The following THADA variants were observed in gnomAD, a reference collection of about 807,000 sequenced individuals.
The protein encoded by THADA is THADA armadillo repeat containing, also known as tRNA (32-2'-O)-methyltransferase regulator THADA.
A neutral mutation model predicts 219.8 loss-of-function variants in THADA; 213 were observed. That is an observed-to-expected ratio of 0.97 (90% CI 0.87 to 1.09). THADA has a LOEUF of 1.09. Among genes scored for constraint, THADA ranks in the 50% least tolerant of loss-of-function variants. The pLI is 0.00. For missense variants in THADA, 2,956 were observed against 2,311.3 expected (o/e 1.28, Z -5.72); for synonymous variants, 1,018 against 828.9 (o/e 1.23, Z -3.92).
intron 22 of THADA, among the ~76,000 whole-genome samples, chr2:43,525,624 A>T (rs548436533): frequency 6.6e-6 from 1 of 152,320 alleles, no homozygotes; most frequent in African/African-American, 2.4e-5. Context: ...ATGCGAGTGA[A>T]GTTGTCTTAG....
At chr2:43,300,853 G>A (rs1425145085) in intron 31 of THADA, among the ~76,000 whole-genome samples, 1 of 152,198 alleles carries the variant, frequency 6.6e-6, no homozygotes. Flanking sequence ...AAGGGCTTGT[G>A]AAACCACGGA....
At chr2:43,521,479 C>T (rs1180332621) in intron 22 of THADA, among the ~76,000 whole-genome samples, 1 of 152,112 alleles carries the variant, frequency 6.6e-6, no homozygotes, top group Non-Finnish European at 1.5e-5. Context: ...TCACTTGAAC[C>T]CGGGAGACAG....
intron 31 of THADA, among the ~76,000 whole-genome samples, chr2:43,318,935 G>T (rs986323436): frequency 2.0e-5 from 3 of 152,168 alleles, no homozygotes; most frequent in African/African-American, 7.2e-5. Flanking sequence ...AAGAATAATG[G>T]CACTGAGCCA....
intron 24 of THADA, 115 bp from the exon 25 acceptor site, chr2:43,499,070 G>C: frequency 1.8e-6 from 2 of 1,113,086 alleles, no homozygotes; most frequent in Non-Finnish European, 2.5e-6. Flanking sequence ...ACAAGAAATG[G>C]ATAATCCGCA....
intron 25 of THADA, among the ~76,000 whole-genome samples, chr2:43,485,734 A>G (rs1198932133): frequency 6.6e-6 from 1 of 152,048 alleles, no homozygotes. Flanking sequence ...TACTTATAAA[A>G]CCTAACTTCA....
At chr2:43,418,292 A>G (rs546001598) in intron 28 of THADA, among the ~76,000 whole-genome samples, 3 of 152,334 alleles carry the variant, frequency 2.0e-5, no homozygotes, top group Non-Finnish European at 4.4e-5. Context: ...ACTGATGATA[A>G]TCAACGTAAG....
chr2:43,593,125 T>TATAATGTAGTACA (rs1701758135), intron 1 of THADA, among the ~76,000 whole-genome samples: 1 of 152,198 alleles, frequency 6.6e-6, no homozygotes, highest in African/African-American at 2.4e-5. Flanking sequence ...TATTAGAGAC[T>TATAATGTAGTACA]ATAATGTAGT....
At chr2:43,365,566 GACACACACACAC>G (rs375762944) in intron 29 of THADA, among the ~76,000 whole-genome samples, 10 of 143,514 alleles carry the variant, frequency 7.0e-5, no homozygotes, top group Non-Finnish European at 1.2e-4. Context: ...GCAAGACTCT[GACACACACACAC>G]ACACACACAC....
At chr2:43,422,461 G>A (rs1449096198) in intron 28 of THADA, among the ~76,000 whole-genome samples, 3 of 152,068 alleles carry the variant, frequency 2.0e-5, no homozygotes, top group Admixed American at 6.5e-5. Context: ...GGAGAATAAT[G>A]TGGGTTTAGG....
At chr2:43,348,270 C>A (rs1221503753) in intron 29 of THADA, among the ~76,000 whole-genome samples, 1 of 152,144 alleles carries the variant, frequency 6.6e-6, no homozygotes, top group Non-Finnish European at 1.5e-5. Flanking sequence ...GAGCTGGCCC[C>A]GGAGATGAGA....
rs1553427596 is a variant in THADA at position 43,400,484 on chromosome 2, T to TATATATATATATATATATATATAC, written c.4059-2346_4059-2345insGTATATATATATATATATATATAT. Reference sequence around the variant, plus strand: ...ATATATATATATATATATAAATATATACACTAAGAAAAAAAATTTCTAGGT... The same window carrying TATATATATATATATATATATATAC: ...ATATATATATATATATATAAATATATATATATATATATATATATATATACACACTAAGAAAAAAAATTTCTAGGT... On this transcript the variant is annotated intron_variant, in intron 28 of 37. Transcript: ENST00000405975. 5.5e-5 allele frequency among the ~76,000 whole-genome samples: 8 copies of TATATATATATATATATATATATAC among 145,960 alleles called. 1 individual carries two copies. The highest frequency in any genetic ancestry group is 1.3e-4 in the African/African-American group (5 of 39,440).
chr2:43,566,900 G>A, intron 14 of THADA, 79 bp from the exon 15 acceptor site: 4 of 985,662 alleles, frequency 4.1e-6, no homozygotes, highest in Admixed American at 3.8e-5. Flanking sequence ...CACCCTTTAA[G>A]AGTGGGTGTT....
intron 16 of THADA, 139 bp downstream of exon 16, chr2:43,560,095 T>A: frequency 1.6e-6 from 1 of 632,796 alleles, no homozygotes; most frequent in Non-Finnish European, 2.6e-6. Flanking sequence ...AGTAGAGAGG[T>A]GTTAATGATA....
intron 30 of THADA, among the ~76,000 whole-genome samples, chr2:43,336,576 T>C (rs1233834377): frequency 6.8e-6 from 1 of 146,762 alleles, no homozygotes; most frequent in African/African-American, 2.5e-5. Flanking sequence ...TCGTCCCCAA[T>C]TTTTTTTTTT....
intron 31 of THADA, among the ~76,000 whole-genome samples, chr2:43,319,574 T>G (rs889565842): frequency 6.6e-6 from 1 of 152,182 alleles, no homozygotes; most frequent in African/African-American, 2.4e-5. Flanking sequence ...CAGGGTTCCA[T>G]ATGAACAGAG....
rs376940925 is a variant in THADA, at chr2:43,574,659, T to A, written c.1406A>T (p.His469Leu). The change falls in exon 11 of 38, where the codon CAT becomes CTT. Residue 469 changes from histidine to leucine, a missense_variant. Physicochemically the swap from His to Leu is moderately conservative, Grantham distance 99. Transcript: ENST00000405975. ...GCLVECIGVEHILAIDKTIPS... is the reference protein window; with the variant it reads ...GCLVECIGVELILAIDKTIPS... ...AATAGTTTTATCTATAGCCAAAATA[T>A]GTTCAACTCCTATGCACTCTACCAA... is the stretch of plus-strand genomic sequence containing the variant. The A allele has an allele frequency of 1.2e-6, 2 of 1,614,034 alleles. No individual in the cohort carries two copies. Among genetic ancestry groups the A allele is most frequent in the African/African-American group, 1.3e-5 (1 of 75,060 alleles).
chr2:43,382,651 A>G (rs1672178955), intron 29 of THADA, among the ~76,000 whole-genome samples: 1 of 152,246 alleles, frequency 6.6e-6, no homozygotes, highest in Admixed American at 6.5e-5. Flanking sequence ...ATTCTCCTGA[A>G]AAGCATAACA....
At chr2:43,260,605 G>A (rs563586267) in intron 36 of THADA, among the ~76,000 whole-genome samples, 1 of 152,236 alleles carries the variant, frequency 6.6e-6, no homozygotes, top group South Asian at 2.1e-4. Flanking sequence ...TCCTCTGTAT[G>A]GGCCTCTAAG....
intron 28 of THADA, among the ~76,000 whole-genome samples, chr2:43,403,257 A>C (rs536005545): frequency 6.6e-6 from 1 of 152,350 alleles, no homozygotes; most frequent in South Asian, 2.1e-4. Context: ...GTTTCCAAAC[A>C]TTCAACCTAA....
Sources: gnomAD v4.1 joint callset for allele counts (sites outside exome capture counted in the v4.1 genomes callset) on GRCh38, gnomAD v4.1.1 for gene constraint, MANE v1.5 for transcripts, NCBI Gene and HGNC (gene_info 2026-07-23, HGNC 2026-07-21) for gene names.